SMAP1: variants seen among roughly 807,000 people sequenced by gnomAD.
SMAP1 encodes small ArfGAP 1, also known as stromal membrane-associated protein 1.
A neutral mutation model predicts 58.5 loss-of-function variants in SMAP1; 24 were observed. The observed-to-expected ratio is 0.41, with a 90% CI of 0.30 to 0.58. The LOEUF is 0.58. SMAP1 is among the 20% of genes least tolerant of loss of function. The pLI is 0.29. For synonymous variants in SMAP1, 216 were observed against 196.6 expected (o/e 1.10, Z -0.82); for missense variants, 563 against 566.3 (o/e 0.99, Z 0.06).
At chr6:70,824,643 A>G (rs1191261828) in intron 6 of SMAP1, among the ~76,000 whole-genome samples, 2 of 152,216 alleles carry the variant, frequency 1.3e-5, no homozygotes, top group Non-Finnish European at 2.9e-5. Context: ...ATGAAATGAT[A>G]CACTTCATAT....
At position 70,687,240 on chromosome 6, in the gene SMAP1, A is replaced by T. The variant is rs535337767; in HGVS notation, c.118+19099A>T. Among the ~76,000 whole-genome samples, 15 of 152,258 alleles carry T rather than the reference A, an allele frequency of 9.9e-5. No individual in the cohort carries two copies. The South Asian group carries it at 1.9e-3, about 19-fold the overall frequency. On this transcript the variant is annotated intron_variant, in intron 1 of 10. Coordinates refer to ENST00000370455, the MANE Select transcript of SMAP1 (RefSeq NM_001044305.3). ...AATTTTTAAATTTTAAAAAATGAGG[A>T]TTATCATTTTCATGAAGTAATCATT...
intron 6 of SMAP1, among the ~76,000 whole-genome samples, chr6:70,833,891 C>T (rs1005826286): frequency 5.3e-5 from 8 of 152,136 alleles, no homozygotes; most frequent in African/African-American, 1.4e-4. Context: ...CTCTTATTCT[C>T]GCCTTAGTGT....
At chr6:70,678,614 G>A (rs1246942319) in intron 1 of SMAP1, among the ~76,000 whole-genome samples, 1 of 152,156 alleles carries the variant, frequency 6.6e-6, no homozygotes, top group African/African-American at 2.4e-5. Flanking sequence ...TATCATTTTA[G>A]CAGGTTTGCA....
At chr6:70,808,188 G>A (rs1769219967) in intron 6 of SMAP1, among the ~76,000 whole-genome samples, 1 of 152,150 alleles carries the variant, frequency 6.6e-6, no homozygotes, top group African/African-American at 2.4e-5. Flanking sequence ...CCACATGTAA[G>A]TGGATCCACG....
intron 1 of SMAP1, among the ~76,000 whole-genome samples, chr6:70,672,246 TA>T (rs1195963273): frequency 6.6e-6 from 1 of 152,240 alleles, no homozygotes; most frequent in Non-Finnish European, 1.5e-5. Context: ...CCTCTATACT[TA>T]TTTTGGGCTG....
chr6:70,841,516 C>G (rs542139835), intron 7 of SMAP1, among the ~76,000 whole-genome samples: 1 of 152,130 alleles, frequency 6.6e-6, no homozygotes, highest in Non-Finnish European at 1.5e-5. Context: ...CTATTCACTG[C>G]TTATATAAAA....
chr6:70,714,024 A>T (rs1453379120), intron 1 of SMAP1, among the ~76,000 whole-genome samples: 1 of 151,850 alleles, frequency 6.6e-6, no homozygotes, highest in Non-Finnish European at 1.5e-5. Context: ...ACAGTTTTTG[A>T]CTTACAGTGT....
chr6:70,711,619 C>G (rs143785282), intron 1 of SMAP1, among the ~76,000 whole-genome samples: 1,630 of 151,904 alleles, frequency 0.011, 33 homozygotes, highest in African/African-American at 0.037. Context: ...CCTCCGCCTC[C>G]CAGGTTCAAG....
chr6:70,720,225 A>G (rs1768461067), intron 1 of SMAP1, among the ~76,000 whole-genome samples: 1 of 152,186 alleles, frequency 6.6e-6, no homozygotes, highest in Non-Finnish European at 1.5e-5. Flanking sequence ...TGCAAGTCCA[A>G]AATCCAGCAG....
intron 1 of SMAP1, among the ~76,000 whole-genome samples, chr6:70,716,642 C>G (rs963539234): frequency 6.6e-6 from 1 of 151,972 alleles, no homozygotes; most frequent in Admixed American, 6.6e-5. Flanking sequence ...TCTGCTTGAT[C>G]TAGTCTGTTA....
rs538158681 is a variant in SMAP1, at chr6:70,731,881, A to C, written c.119-497A>C. Among the ~76,000 whole-genome samples, 37 of 152,132 alleles carry C rather than the reference A, an allele frequency of 2.4e-4. 1 individual carries two copies. Among genetic ancestry groups the C allele is most frequent in the Non-Finnish European group, 5.0e-4 (34 of 68,016 alleles). On this transcript the variant is annotated intron_variant, in intron 1 of 10. Transcript: ENST00000370455. ...TACCAGTGAGACTGTGCATATTTTC[A>C]TGCTTATTGGCCATAAATTTCTTCT... is the stretch of plus-strand genomic sequence containing the variant.
intron 4 of SMAP1, among the ~76,000 whole-genome samples, chr6:70,775,321 T>C (rs1431741283): frequency 6.6e-6 from 1 of 152,184 alleles, no homozygotes; most frequent in Admixed American, 6.5e-5. Flanking sequence ...TTAAAAATTA[T>C]ATTTGTATTA....
At chr6:70,705,286 C>G (rs923870453) in intron 1 of SMAP1, among the ~76,000 whole-genome samples, 5 of 147,578 alleles carry the variant, frequency 3.4e-5, no homozygotes, top group Non-Finnish European at 5.9e-5. Context: ...GAGTCTTGCT[C>G]TGTTGCCCAG....
At chr6:70,725,657 T>C (rs1358035040) in intron 1 of SMAP1, among the ~76,000 whole-genome samples, 1 of 152,228 alleles carries the variant, frequency 6.6e-6, no homozygotes, top group Admixed American at 6.5e-5. Flanking sequence ...TCCACTACTA[T>C]GATGCTGCCT....
intron 4 of SMAP1, among the ~76,000 whole-genome samples, chr6:70,783,733 G>A (rs1054165702): frequency 5.3e-5 from 8 of 152,162 alleles, no homozygotes; most frequent in African/African-American, 1.7e-4. Flanking sequence ...GAAATGAAGC[G>A]AGAAAGGAAG....
At chr6:70,726,874 GGTGTGTGTGTGTGTGTGTGTGTGT>G (rs35977042) in intron 1 of SMAP1, among the ~76,000 whole-genome samples, 1 of 144,808 alleles carries the variant, frequency 6.9e-6, no homozygotes, top group African/African-American at 2.5e-5. Context: ...AAATTTTAGG[GGTGTGTGTGTGTGTGTGTGTGTGT>G]GTGTGTGTGT....
At chr6:70,696,054 T>G (rs995339206) in intron 1 of SMAP1, among the ~76,000 whole-genome samples, 1 of 152,212 alleles carries the variant, frequency 6.6e-6, no homozygotes, top group African/African-American at 2.4e-5. Context: ...TTTTCCAATT[T>G]ATTGGCATAT....
In SMAP1 at chr6:70,709,011, C is replaced by T. The variant is rs113244640; in HGVS notation, c.119-23367C>T. Among the ~76,000 whole-genome samples the T allele has an allele frequency of 5.3e-5, 8 of 151,902 alleles. No homozygotes were observed. The East Asian group carries it at 5.8e-4, about 11-fold the overall frequency. ...TTTTTGCTTTTGTGGCTTGAGCTTTCGCTGTGATATCTAGAAAATCAGTCC... is the reference window on the plus strand; with the variant it reads ...TTTTTGCTTTTGTGGCTTGAGCTTTTGCTGTGATATCTAGAAAATCAGTCC... On this transcript the variant is annotated intron_variant, in intron 1 of 10. Coordinates refer to ENST00000370455, the MANE Select transcript of SMAP1 (RefSeq NM_001044305.3).
chr6:70,764,087 T>C (rs1766863829), intron 3 of SMAP1, among the ~76,000 whole-genome samples: 1 of 152,018 alleles, frequency 6.6e-6, no homozygotes, highest in Non-Finnish European at 1.5e-5. Context: ...TAATTTTTTT[T>C]TTTTTTTGTA....
Sources: allele counts gnomAD v4.1 joint callset (sites outside exome capture counted in the v4.1 genomes callset), GRCh38; gene constraint gnomAD v4.1.1; transcripts MANE v1.5; gene names NCBI Gene and HGNC (gene_info 2026-07-23, HGNC 2026-07-21).